The following CDC73 variants were observed in gnomAD, a reference collection of about 807,000 sequenced individuals.
CDC73 encodes the protein parafibromin.
A neutral mutation model predicts 83.7 loss-of-function variants in CDC73; 21 were observed. The observed-to-expected ratio is 0.25, with a 90% CI of 0.18 to 0.36. The LOEUF is 0.36. Ranked by LOEUF, CDC73 falls within the 10% of genes least tolerant of loss-of-function variation. The pLI, the probability that CDC73 is intolerant of heterozygous loss-of-function variation, is 1.00. For missense variants in CDC73, 342 were observed against 653.3 expected, an observed-to-expected ratio of 0.52 and a Z score of 5.19; for synonymous variants, 224 against 212.9, an observed-to-expected ratio of 1.05 and a Z score of -0.45.
intron 11 of CDC73, among the ~76,000 whole-genome samples, chr1:193,207,336 A>G (rs554997106): frequency 9.8e-5 from 15 of 152,332 alleles, no homozygotes; most frequent in African/African-American, 3.4e-4. Context: ...CTCTCTGCAC[A>G]TATTGTCATG....
rs1252053693 is a variant in CDC73, at chr1:193,250,794, G to A, written c.*82G>A. 8.2e-7 allele frequency: 1 copy of A among 1,225,180 alleles called. No individual in the cohort carries two copies. The highest frequency in any genetic ancestry group is 1.2e-6 in the Non-Finnish European group (1 of 830,316). The allele number at this position is 1,225,180 out of a possible 1,614,324, so 75.9% of individuals were successfully genotyped here. On this transcript the variant is annotated 3_prime_UTR_variant, in exon 17 of 17. Transcript: ENST00000367435. The stretch of plus-strand genomic sequence containing the variant: ...GAACTTAAAAATGAAGAAGGTCACA[G>A]ATTGATCTTTTATAAGACCTTATTT...
At chr1:193,163,168 T>G (rs866322644) in intron 10 of CDC73, among the ~76,000 whole-genome samples, 2 of 151,678 alleles carry the variant, frequency 1.3e-5, no homozygotes, top group Middle Eastern at 3.4e-3. Flanking sequence ...TGTGTGTGTG[T>G]GTGTGTGTGG....
At chr1:193,192,540 G>T (rs2182106) in intron 10 of CDC73, among the ~76,000 whole-genome samples, 1 of 152,030 alleles carries the variant, frequency 6.6e-6, no homozygotes, top group Non-Finnish European at 1.5e-5. Context: ...CATTGAACAT[G>T]CTTGATTCAT....
intron 14 of CDC73, among the ~76,000 whole-genome samples, chr1:193,235,894 T>G (rs1210034562): frequency 6.6e-6 from 1 of 152,206 alleles, no homozygotes; most frequent in Non-Finnish European, 1.5e-5. Flanking sequence ...CTTTTTTGAT[T>G]AATAGTTATC....
chr1:193,181,516 C>T (rs201277024), intron 10 of CDC73: 11 of 1,609,286 alleles, frequency 6.8e-6, no homozygotes. Context: ...TTTGGCATTC[C>T]AGGTCATCTT....
chr1:193,201,251 T>G (rs1677086233), intron 10 of CDC73, among the ~76,000 whole-genome samples: 3 of 152,244 alleles, frequency 2.0e-5, no homozygotes, highest in Admixed American at 1.3e-4. Context: ...AAAGTGTGTG[T>G]GGGGTTTGTA....
At chr1:193,164,023 G>A (rs1334178458) in intron 10 of CDC73, among the ~76,000 whole-genome samples, 2 of 152,120 alleles carry the variant, frequency 1.3e-5, no homozygotes, top group Non-Finnish European at 2.9e-5. Flanking sequence ...AGTGATCGGT[G>A]GCCTCCCAAA....
At chr1:193,230,422 C>G (rs1572213698) in intron 13 of CDC73, among the ~76,000 whole-genome samples, 1 of 147,736 alleles carries the variant, frequency 6.8e-6, no homozygotes, top group Admixed American at 6.8e-5. Context: ...GCTGGGATTA[C>G]AGGCATAAGC....
chr1:193,124,005 C>A (rs1675517684), intron 1 of CDC73, among the ~76,000 whole-genome samples: 1 of 152,164 alleles, frequency 6.6e-6, no homozygotes. Context: ...GGTAGGAATT[C>A]TCTGGGCTAA....
At chr1:193,250,205 A>G (rs1678023298) in intron 16 of CDC73, among the ~76,000 whole-genome samples, 2 of 151,802 alleles carry the variant, frequency 1.3e-5, no homozygotes, top group African/African-American at 4.8e-5. Context: ...TGTTTTTTGC[A>G]AGTACTGAAA....
chr1:193,211,012 T>C (rs747626756), intron 11 of CDC73, among the ~76,000 whole-genome samples: 5 of 152,248 alleles, frequency 3.3e-5, no homozygotes, highest in Non-Finnish European at 7.3e-5. Context: ...TTCACAGTTA[T>C]TACAGTGGTA....
In CDC73 at chr1:193,170,336, G is replaced by T. The variant is rs181642403; in HGVS notation, c.972+17892G>T. On this transcript the variant is annotated intron_variant, in intron 10 of 16. Coordinates refer to ENST00000367435, the MANE Select transcript of CDC73 (RefSeq NM_024529.5). ...AGTAATGAGATTGCTGGGTTCAGTGGTATTTCTCTCTTTAGGTCTTTGAGG... is the reference window on the plus strand; with the variant it reads ...AGTAATGAGATTGCTGGGTTCAGTGTTATTTCTCTCTTTAGGTCTTTGAGG... Among the ~76,000 whole-genome samples the T allele has an allele frequency of 1.4e-4, 21 of 152,240 alleles. No homozygotes were observed. In the East Asian group the frequency reaches 2.7e-3, roughly 20 times the overall value.
chr1:193,225,493 A>G (rs1213703785), intron 13 of CDC73, among the ~76,000 whole-genome samples: 1 of 152,082 alleles, frequency 6.6e-6, no homozygotes, highest in East Asian at 1.9e-4. Context: ...ACTGTTTTCC[A>G]TAGTGGTTGT....
chr1:193,203,341 T>C (rs1677123495), intron 10 of CDC73, among the ~76,000 whole-genome samples: 1 of 152,168 alleles, frequency 6.6e-6, no homozygotes, highest in Admixed American at 6.5e-5. Flanking sequence ...ATTTGAAATG[T>C]TTGTTTTTTA....
intron 10 of CDC73, among the ~76,000 whole-genome samples, chr1:193,191,472 CCA>C (rs1451905633): frequency 5.9e-5 from 9 of 152,160 alleles, no homozygotes; most frequent in African/African-American, 2.2e-4. Flanking sequence ...ACTGCAACTT[CCA>C]CCTCCCAGTT....
At chr1:193,156,302 C>T (rs1676206777) in intron 10 of CDC73, among the ~76,000 whole-genome samples, 1 of 152,126 alleles carries the variant, frequency 6.6e-6, no homozygotes, top group South Asian at 2.1e-4. Flanking sequence ...ACTCTAACCT[C>T]TATTTGTTCT....
chr1:193,221,722 C>T lies in CDC73; in HGVS notation c.1154+9245C>T, dbSNP rs866995652. Among the ~76,000 whole-genome samples, 17 of 152,266 alleles carry T rather than the reference C, an allele frequency of 1.1e-4. No homozygotes were observed. The South Asian group carries it at 2.5e-3, about 22-fold the overall frequency. On this transcript the variant is annotated intron_variant, in intron 13 of 16. Transcript: ENST00000367435. ...TCATTCTCTTTAGTCTTGTTTACTA[C>T]AGAGAAACCAGACAATTAAACAGAC...
chr1:193,132,225 G>A (rs1227929258), intron 3 of CDC73, among the ~76,000 whole-genome samples: 1 of 152,170 alleles, frequency 6.6e-6, no homozygotes, highest in Non-Finnish European at 1.5e-5. Flanking sequence ...AGAGAATCTT[G>A]TGTATAATGG....
chr1:193,180,342 G>A lies in CDC73; in HGVS notation c.973-23453G>A, dbSNP rs377685968. The A allele has an allele frequency of 2.9e-4, 469 of 1,599,588 alleles. 2 individuals carry two copies. In the South Asian group the frequency reaches 4.8e-3, roughly 16 times the overall value. On this transcript the variant is annotated intron_variant, in intron 10 of 16. Transcript: ENST00000367435. ...ACCTGCCTGCCTTTTCTTTTGCTGC[G>A]TTGGCACAGGCATTGTGCTTATTTT...
Sources: allele counts gnomAD v4.1 joint callset (sites outside exome capture counted in the v4.1 genomes callset), GRCh38; gene constraint gnomAD v4.1.1; transcripts MANE v1.5; gene names NCBI Gene and HGNC (gene_info 2026-07-23, HGNC 2026-07-21).